PTK7: variants seen among roughly 807,000 people sequenced by gnomAD.
PTK7 encodes the protein inactive tyrosine-protein kinase 7.
Under a neutral mutation model 116.6 loss-of-function variants are expected in PTK7, and 39 were observed. The observed-to-expected ratio is 0.33, with a 90% CI of 0.26 to 0.44. PTK7 has a LOEUF of 0.44. Ranked by LOEUF, PTK7 falls within the 20% of genes least tolerant of loss-of-function variation. The probability of loss-of-function intolerance (pLI) is 1.00; values close to 1 mark genes in which losing one functional copy is unlikely to be tolerated. For synonymous variants in PTK7, 546 were observed against 563.6 expected (o/e 0.97, Z 0.44); for missense variants, 1,169 against 1,425.6 (o/e 0.82, Z 2.90).
chr6:43,154,843 G>T (rs1771328048), intron 17 of PTK7, among the ~76,000 whole-genome samples: 1 of 152,250 alleles, frequency 6.6e-6, no homozygotes, highest in Non-Finnish European at 1.5e-5. Context: ...CCCAACCTCT[G>T]TGCCCACTGG....
chr6:43,151,130 T>C (rs1187050936), intron 17 of PTK7, among the ~76,000 whole-genome samples: 1 of 151,954 alleles, frequency 6.6e-6, no homozygotes, highest in Non-Finnish European at 1.5e-5. Context: ...CAGACTCTGC[T>C]TTTTCATGGA....
intron 1 of PTK7, among the ~76,000 whole-genome samples, chr6:43,118,102 C>CTT (rs10591741): frequency 0.016 from 2,007 of 123,068 alleles, 63 homozygotes; most frequent in African/African-American, 0.055. Context: ...TCAGATGGGC[C>CTT]TTTTTTTTTT....
chr6:43,118,690 T>TATATAC (rs1561956701), intron 1 of PTK7, among the ~76,000 whole-genome samples: 79 of 105,444 alleles, frequency 7.5e-4, no homozygotes, highest in African/African-American at 3.3e-3. Context: ...TATATATATG[T>TATATAC]ATATATGTAT....
intron 1 of PTK7, among the ~76,000 whole-genome samples, chr6:43,113,304 G>T (rs1022474347): frequency 6.6e-6 from 1 of 151,984 alleles, no homozygotes; most frequent in Non-Finnish European, 1.5e-5. Context: ...ATGGTGGCAC[G>T]TAGCTGTAGT....
At chr6:43,085,711 A>T (rs1046570675) in intron 1 of PTK7, among the ~76,000 whole-genome samples, 1 of 151,460 alleles carries the variant, frequency 6.6e-6, no homozygotes, top group African/African-American at 2.4e-5. Flanking sequence ...AGGCATGTGG[A>T]TCACCTGAGG....
rs534601930 is a variant in PTK7, at chr6:43,161,222, C to T, written c.*341C>T. The T allele has an allele frequency of 3.2e-5, 8 of 248,622 alleles. No individual in the cohort carries two copies. The highest frequency in any genetic ancestry group is 1.8e-4 in the African/African-American group (8 of 45,674). 15.4% of individuals were successfully genotyped at this position (248,622 alleles called of 1,614,324 possible). ...CGGGTCCAACTCTGCCACTCATCTG[C>T]CAACTTTGCCTGGGGAGGGCTAGGC... On this transcript the variant is annotated 3_prime_UTR_variant, in exon 20 of 20. Transcript: ENST00000230419.
intron 1 of PTK7, among the ~76,000 whole-genome samples, chr6:43,105,022 A>G (rs1400116404): frequency 6.6e-6 from 1 of 151,026 alleles, no homozygotes. Context: ...CGTGTTAGCC[A>G]GGATGGTCTC....
chr6:43,093,547 A>C (rs1767073286), intron 1 of PTK7, among the ~76,000 whole-genome samples: 1 of 152,114 alleles, frequency 6.6e-6, no homozygotes, highest in African/African-American at 2.4e-5. Flanking sequence ...TCAGGCAGGC[A>C]GGAGACGGAC....
In PTK7 at chr6:43,129,703, C is replaced by G. The variant is rs1295710852; in HGVS notation, c.368-24C>G. On this transcript the variant is annotated intron_variant, in intron 2 of 19. Transcript: ENST00000230419. The surrounding 1 kb of genome is among the most constrained non-coding windows in gnomAD (Gnocchi z 4.5). ...CGCCTTTGCCCTGCTCTGCCCCTCA[C>G]TGCAACCGTGGCCTCTGCTACAGGG... is the stretch of plus-strand genomic sequence containing the variant. 11 of 1,609,892 alleles carry G rather than the reference C, an allele frequency of 6.8e-6. No homozygotes were observed. Among genetic ancestry groups the G allele is most frequent in the Non-Finnish European group, 9.4e-6 (11 of 1,176,244 alleles).
chr6:43,076,900 C>T lies in PTK7; in HGVS notation c.79+333C>T, dbSNP rs1561925611. ...CGGGCCCAGATGGGGAGTTTCTTGT[C>T]GGGGGAGAAAAGACCATCCGCACCC... is the stretch of plus-strand genomic sequence containing the variant. On this transcript the variant is annotated intron_variant, in intron 1 of 19. Transcript: ENST00000230419. This position sits in a 1 kb window ranked among gnomAD's most constrained non-coding sequence, Gnocchi z 5.7. 8.0e-6 allele frequency: 12 copies of T among 1,508,902 alleles called. No homozygotes were observed. The highest frequency in any genetic ancestry group is 1.2e-5 in the South Asian group (1 of 82,236). The allele number at this position is 1,508,902 out of a possible 1,614,324, so 93.5% of individuals were successfully genotyped here. A position where few individuals can be genotyped will look rare whatever the true frequency, so the allele number is the denominator to read the frequency against.
At chr6:43,084,300 T>C (rs1012424640) in intron 1 of PTK7, among the ~76,000 whole-genome samples, 2 of 152,118 alleles carry the variant, frequency 1.3e-5, no homozygotes, top group Non-Finnish European at 2.9e-5. Context: ...CTGGCTAGTT[T>C]TTTAAATTTA....
Position 43,076,942 on chromosome 6 carries a change from T to A in PTK7, c.79+375T>A. On this transcript the variant is annotated intron_variant, in intron 1 of 19. Transcript: ENST00000230419. The surrounding 1 kb of genome is among the most constrained non-coding windows in gnomAD (Gnocchi z 5.7). The stretch of plus-strand genomic sequence containing the variant: ...TCCGCACCCACCGTGGGGAGCGCGA[T>A]GGAGAAAAAGGAATTCCCCACCCCA... The A allele has an allele frequency of 1.3e-6, 2 of 1,515,184 alleles. No homozygotes were observed. The highest frequency in any genetic ancestry group is 1.8e-6 in the Non-Finnish European group (2 of 1,132,400). The allele number at this position is 1,515,184 out of a possible 1,614,324, so 93.9% of individuals were successfully genotyped here.
chr6:43,130,485 A>G (rs531203203), intron 4 of PTK7, 26 bp from the exon 5 acceptor site: 2 of 1,611,336 alleles, frequency 1.2e-6, no homozygotes, highest in South Asian at 2.2e-5. Flanking sequence ...CCCAGGCTGC[A>G]TGCTCCCCCA....
chr6:43,096,760 G>C (rs151092394), intron 1 of PTK7, among the ~76,000 whole-genome samples: 2 of 152,250 alleles, frequency 1.3e-5, no homozygotes, highest in Non-Finnish European at 1.5e-5. Flanking sequence ...GTCCGGTAGG[G>C]CCCTGCCTGA....
At position 43,129,205 on chromosome 6, in the gene PTK7, C is replaced by T. The variant is rs1769495504; in HGVS notation, c.308C>T (p.Ala103Val). The T allele has an allele frequency of 6.2e-7, 1 of 1,614,144 alleles. No homozygotes were observed. The highest frequency in any genetic ancestry group is 8.5e-7 in the Non-Finnish European group (1 of 1,180,030). Residue 103 changes from alanine to valine, a missense_variant, in exon 2 of 20, where the codon GCT (alanine) becomes GTT (valine). Transcript: ENST00000230419. The surrounding 1 kb of genome is among the most constrained non-coding windows in gnomAD (Gnocchi z 4.5). ...GACTCTGGCACCTTCCAGTGTGTGG[C>T]TCGGGATGATGTCACTGGAGAAGAA... is the stretch of plus-strand genomic sequence containing the variant. ...LQDSGTFQCV[A>V]RDDVTGEEAR...
At chr6:43,115,721 A>C (rs1398020978) in intron 1 of PTK7, among the ~76,000 whole-genome samples, 1 of 151,938 alleles carries the variant, frequency 6.6e-6, no homozygotes, top group East Asian at 1.9e-4. Flanking sequence ...AGATTGCTTG[A>C]GGTCAGAAGT....
rs534548517 is a variant in PTK7 at position 43,139,847 on chromosome 6, C to T, written c.1618+322C>T. 7.9e-5 allele frequency among the ~76,000 whole-genome samples: 12 copies of T among 152,260 alleles called. No individual in the cohort carries two copies. Among genetic ancestry groups the T allele is most frequent in the Non-Finnish European group, 1.6e-4 (11 of 68,040 alleles). On this transcript the variant is annotated intron_variant, in intron 10 of 19. Coordinates refer to ENST00000230419, the MANE Select transcript of PTK7 (RefSeq NM_002821.5). The surrounding 1 kb of genome is among the most constrained non-coding windows in gnomAD (Gnocchi z 4.6). ...ATTACATGGAGGCCGTGCATAGTGG[C>T]TCACGCCTGTAATCCCAACACTTTG...
intron 17 of PTK7, among the ~76,000 whole-genome samples, chr6:43,147,048 C>A (rs1459444189): frequency 6.6e-6 from 1 of 152,236 alleles, no homozygotes; most frequent in Non-Finnish European, 1.5e-5. Context: ...GAGCTCTGAG[C>A]TGGAGAAGCA....
intron 1 of PTK7, among the ~76,000 whole-genome samples, chr6:43,078,340 CAG>C (rs1766174904): frequency 6.6e-6 from 1 of 151,438 alleles, no homozygotes; most frequent in African/African-American, 2.4e-5. Flanking sequence ...GTAGTCTCCT[CAG>C]GGGTGGGGGG....
Sources: gnomAD v4.1 joint callset for allele counts (sites outside exome capture counted in the v4.1 genomes callset) on GRCh38, gnomAD v4.1.1 for gene constraint, Gnocchi (gnomAD v3.1) non-coding constraint, MANE v1.5 for transcripts, NCBI Gene and HGNC (gene_info 2026-07-23, HGNC 2026-07-21) for gene names.